The following ZNF407 variants were observed in gnomAD, a reference collection of about 807,000 sequenced individuals.
The protein encoded by ZNF407 is zinc finger protein 407.
Under a neutral mutation model 131.2 loss-of-function variants are expected in ZNF407, and 17 were observed. That is an observed-to-expected ratio of 0.13 (90% CI 0.09 to 0.19). The LOEUF (loss-of-function observed/expected upper bound fraction) is 0.19. ZNF407 is among the 10% of genes least tolerant of loss of function. The pLI is 1.00. For synonymous variants in ZNF407, 1,156 were observed against 1,062.0 expected, an observed-to-expected ratio of 1.09 and a Z score of -1.72; for missense variants, 2,681 against 2,830.6, an observed-to-expected ratio of 0.95 and a Z score of 1.20.
chr18:74,787,785 C>G (rs755135158), intron 4 of ZNF407, among the ~76,000 whole-genome samples: 3 of 152,118 alleles, frequency 2.0e-5, no homozygotes, highest in Non-Finnish European at 4.4e-5. Context: ...CGTTTTCTTC[C>G]TTTCGTAAAT....
At position 74,633,630 on chromosome 18, in the gene ZNF407, C is replaced by T. The variant is rs1388259680; in HGVS notation, c.2611C>T (p.Arg871Ter). Residue 871 changes from arginine to a stop codon, truncating the protein, a stop_gained, in exon 2 of 9, where the codon CGA becomes TGA. Coordinates refer to ENST00000299687, the MANE Select transcript of ZNF407 (RefSeq NM_017757.3). LOFTEE classifies it high-confidence loss of function. ...TACAAACTTGACTGTTCACATTAGACGAAAACACAGTCACCAGTATAGTTA... is the reference window on the plus strand; with the variant it reads ...TACAAACTTGACTGTTCACATTAGATGAAAACACAGTCACCAGTATAGTTA... ...SITNLTVHIRRKHSHQYSYLC... is the reference protein window; with the variant it reads ...SITNLTVHIR 1 of 1,613,764 alleles carries T rather than the reference C, an allele frequency of 6.2e-7. No homozygotes were observed. The highest frequency in any genetic ancestry group is 8.5e-7 in the Non-Finnish European group (1 of 1,179,872).
chr18:74,857,964 A>C (rs2145155303), intron 4 of ZNF407, among the ~76,000 whole-genome samples: 1 of 94,422 alleles, frequency 1.1e-5, no homozygotes, highest in Non-Finnish European at 2.0e-5. Context: ...CACCTTCCTG[A>C]CTCCCTTTGC....
chr18:74,737,010 T>C (rs1050654897), intron 3 of ZNF407, among the ~76,000 whole-genome samples: 1 of 152,180 alleles, frequency 6.6e-6, no homozygotes, highest in African/African-American at 2.4e-5. Flanking sequence ...ATAAAGTTTC[T>C]TCATCTTTTA....
chr18:74,782,561 T>C (rs1372005752), intron 4 of ZNF407, among the ~76,000 whole-genome samples: 1 of 106,600 alleles, frequency 9.4e-6, no homozygotes, highest in Non-Finnish European at 1.7e-5. Context: ...TCCCCTCCTC[T>C]TCTCTTCTCT....
chr18:74,786,826 A>C, intron 4 of ZNF407, among the ~76,000 whole-genome samples: 1 of 69,636 alleles, frequency 1.4e-5, no homozygotes, highest in Non-Finnish European at 2.5e-5. Flanking sequence ...TTTTTTGGAG[A>C]TGGAGTTTCT....
At chr18:75,008,989 T>C (rs576856777) in intron 8 of ZNF407, among the ~76,000 whole-genome samples, 61 of 152,322 alleles carry the variant, frequency 4.0e-4, no homozygotes, top group African/African-American at 1.4e-3. Context: ...TTCAAACACT[T>C]ATCTTCTTCC....
chr18:74,993,874 G>C (rs1972747324), intron 8 of ZNF407, among the ~76,000 whole-genome samples: 1 of 152,164 alleles, frequency 6.6e-6, no homozygotes, highest in Non-Finnish European at 1.5e-5. Context: ...CTCTCATTTA[G>C]GAACATTCTT....
chr18:74,662,919 G>A (rs972818010), intron 3 of ZNF407, among the ~76,000 whole-genome samples: 20 of 152,334 alleles, frequency 1.3e-4, no homozygotes, highest in South Asian at 6.2e-4. Context: ...GTTGTCATGT[G>A]TGAGTATGCC....
At chr18:74,877,834 C>A (rs537877607) in intron 5 of ZNF407, among the ~76,000 whole-genome samples, 22 of 152,240 alleles carry the variant, frequency 1.4e-4, no homozygotes, top group South Asian at 6.2e-4. Context: ...GAATATTTTT[C>A]TTCTGAGGAG....
intron 8 of ZNF407, chr18:75,062,687 A>G (rs1275610290): frequency 1.3e-5 from 2 of 153,072 alleles, no homozygotes; most frequent in Non-Finnish European, 2.9e-5. Flanking sequence ...TTTTTGCTGA[A>G]TAAACAAATA....
chr18:74,881,067 C>T lies in ZNF407; in HGVS notation c.5076C>T (p.Gly1692=), dbSNP rs1162780064. 2.5e-6 allele frequency: 4 copies of T among 1,575,906 alleles called. No homozygotes were observed. The East Asian group carries it at 9.3e-5, about 37-fold the overall frequency. Residue 1692 remains glycine (G), a synonymous_variant, in exon 6 of 9, where the codon GGC becomes GGT. Coordinates refer to ENST00000299687, the MANE Select transcript of ZNF407 (RefSeq NM_017757.3). The part of the protein sequence containing the change: ...GEKSFLCDLC[G]FAGGTRHALT... ...AGTCGTTTCTGTGTGACCTCTGCGG[C>T]TTTGCCGGCGGGACCCGCCACGCCC...
intron 4 of ZNF407, among the ~76,000 whole-genome samples, chr18:74,808,601 C>A (rs1970148480): frequency 6.6e-6 from 1 of 152,134 alleles, no homozygotes; most frequent in African/African-American, 2.4e-5. Flanking sequence ...TACTGAGATA[C>A]TATAATTGTG....
intron 3 of ZNF407, among the ~76,000 whole-genome samples, chr18:74,761,361 A>AT (rs1030968682): frequency 6.6e-6 from 1 of 151,914 alleles, no homozygotes; most frequent in Non-Finnish European, 1.5e-5. Context: ...ATTTCTATGC[A>AT]TTTTTTTTAT....
At chr18:74,616,705 T>A (rs1983302117) in intron 1 of ZNF407, among the ~76,000 whole-genome samples, 3 of 151,618 alleles carry the variant, frequency 2.0e-5, no homozygotes, top group Admixed American at 1.3e-4. Flanking sequence ...CTTTGTTGTT[T>A]CCTCTCACTC....
chr18:74,879,319 G>A lies in ZNF407; in HGVS notation c.5045-1717G>A, dbSNP rs796874009. ...AGAAATTTTGCTTATTGAATGATAT[G>A]GCACAAACACTCCCACTAGCACACA... On this transcript the variant is annotated intron_variant, in intron 5 of 8. Transcript: ENST00000299687. 1.1e-4 allele frequency among the ~76,000 whole-genome samples: 17 copies of A among 152,086 alleles called. 1 individual carries two copies. The highest frequency in any genetic ancestry group is 3.4e-4 in the African/African-American group (14 of 41,480).
chr18:74,992,755 GTGATTT>G (rs561205718), intron 8 of ZNF407, among the ~76,000 whole-genome samples: 297 of 152,350 alleles, frequency 1.9e-3, no homozygotes, highest in South Asian at 0.017. Flanking sequence ...AAGTCTCACA[GTGATTT>G]TTGGGATGGG....
intron 3 of ZNF407, among the ~76,000 whole-genome samples, chr18:74,775,383 C>G (rs1419746983): frequency 1.3e-5 from 2 of 152,282 alleles, no homozygotes; most frequent in South Asian, 2.1e-4. Context: ...TGTTACATAG[C>G]TAGCCATACA....
chr18:74,898,688 A>G (rs959164092), intron 7 of ZNF407, among the ~76,000 whole-genome samples: 15 of 152,168 alleles, frequency 9.9e-5, no homozygotes, highest in Admixed American at 1.3e-4. Flanking sequence ...ATCTCTGTGT[A>G]GGTCTTGAGT....
At chr18:74,622,811 T>TAA (rs1983580860) in intron 1 of ZNF407, among the ~76,000 whole-genome samples, 1 of 142,780 alleles carries the variant, frequency 7.0e-6, no homozygotes, top group Non-Finnish European at 1.5e-5. Flanking sequence ...AATTTGTGAA[T>TAA]ATGTCTGAAT....
Sources: allele counts gnomAD v4.1 joint callset (sites outside exome capture counted in the v4.1 genomes callset), GRCh38; gene constraint gnomAD v4.1.1; transcripts MANE v1.5; gene names NCBI Gene and HGNC (gene_info 2026-07-23, HGNC 2026-07-21).